The following PLCZ1 variants were observed in gnomAD, a reference collection of about 807,000 sequenced individuals.
PLCZ1 encodes 1-phosphatidylinositol 4,5-bisphosphate phosphodiesterase zeta-1.
In PLCZ1, 64 loss-of-function variants were observed where a neutral mutation model predicts 76.8. The ratio of observed to expected loss-of-function variants is 0.83; its 90% CI spans 0.68 to 1.03. The LOEUF (loss-of-function observed/expected upper bound fraction) is 1.03, where lower values mean the gene tolerates loss of function less well. Ranked by LOEUF, PLCZ1 falls within the 50% of genes least tolerant of loss-of-function variation. The probability of loss-of-function intolerance (pLI) is 0.00; values close to 1 mark genes in which losing one functional copy is unlikely to be tolerated. For synonymous variants in PLCZ1, 248 were observed against 230.8 expected (o/e 1.07, Z -0.68); for missense variants, 751 against 713.7 (o/e 1.05, Z -0.60).
At chr12:18,654,578 C>T in the PLCZ1 span, among the ~76,000 whole-genome samples, 12 of 152,104 alleles carry the variant, frequency 7.9e-5, no homozygotes, top group African/African-American at 2.4e-4. Context: ...ATTATTGCCA[C>T]GGGTGTTCCC....
intron 5 of PLCZ1, among the ~76,000 whole-genome samples, chr12:18,718,059 T>G (rs557894388): frequency 2.6e-5 from 4 of 152,236 alleles, no homozygotes; most frequent in Middle Eastern, 3.4e-3. Context: ...GGGGGTGCTT[T>G]GGGAGTGAGG....
the PLCZ1 span, among the ~76,000 whole-genome samples, chr12:18,656,176 C>T: frequency 6.2e-4 from 94 of 152,278 alleles, 1 homozygote; most frequent in Admixed American, 2.0e-3. Flanking sequence ...CACCTGTAAT[C>T]CCAGCACTTT....
At chr12:18,737,299 C>A (rs1172669369) in intron 2 of PLCZ1, 62 bp downstream of exon 2, 1 of 1,543,154 alleles carries the variant, frequency 6.5e-7, no homozygotes, top group African/African-American at 1.4e-5. Context: ...ATAACAGCAT[C>A]AAGTAAAGAG....
At chr12:18,712,694 A>ACTGCCT in intron 6 of PLCZ1, 148 bp downstream of exon 6, 2 of 966,488 alleles carry the variant, frequency 2.1e-6, no homozygotes, top group Non-Finnish European at 3.1e-6. Context: ...AACTATATAC[A>ACTGCCT]ACATGGATTT....
intron 5 of PLCZ1, among the ~76,000 whole-genome samples, chr12:18,717,646 C>G (rs1306122956): frequency 1.3e-5 from 2 of 152,094 alleles, no homozygotes; most frequent in Non-Finnish European, 2.9e-5. Flanking sequence ...TTGCCTCAAA[C>G]CCTACAATGG....
intron 3 of PLCZ1, among the ~76,000 whole-genome samples, chr12:18,726,634 A>G (rs1409409695): frequency 6.6e-6 from 1 of 151,224 alleles, no homozygotes; most frequent in East Asian, 1.9e-4. Context: ...GGCTTTCCAT[A>G]TTGTCACCAT....
chr12:18,667,408 A>C, the PLCZ1 span, among the ~76,000 whole-genome samples: 1 of 152,176 alleles, frequency 6.6e-6, no homozygotes, highest in African/African-American at 2.4e-5. Flanking sequence ...ACCTGTATCT[A>C]TCTGCTCTCA....
At chr12:18,677,560 T>C in the PLCZ1 span, among the ~76,000 whole-genome samples, 3 of 152,090 alleles carry the variant, frequency 2.0e-5, no homozygotes, top group East Asian at 1.9e-4. Flanking sequence ...CTGTTTTCAC[T>C]GGCTGAGGAC....
intron 6 of PLCZ1, 74 bp downstream of exon 6, chr12:18,712,768 A>G: frequency 6.5e-7 from 1 of 1,533,410 alleles, no homozygotes; most frequent in East Asian, 2.3e-5. Context: ...GCTAAGCATT[A>G]TAGGATTTTG....
At chr12:18,714,708 G>A (rs1957741929) in intron 5 of PLCZ1, 1 of 152,170 alleles carries the variant, frequency 6.6e-6, no homozygotes, top group South Asian at 2.1e-4. Context: ...CCTCACAGGA[G>A]GGATTTGGCA....
intron 13 of PLCZ1, among the ~76,000 whole-genome samples, chr12:18,687,683 T>TA (rs1276449464): frequency 2.0e-5 from 3 of 152,214 alleles, no homozygotes; most frequent in Admixed American, 6.6e-5. Context: ...ACTTTTAATC[T>TA]AAAATAATTC....
intron 12 of PLCZ1, among the ~76,000 whole-genome samples, chr12:18,689,057 C>A (rs531281856): frequency 6.6e-6 from 1 of 151,984 alleles, no homozygotes; most frequent in Admixed American, 6.6e-5. Flanking sequence ...CCACAGATTA[C>A]GGCATTAGCT....
At chr12:18,709,483 T>G (rs1162238790) in intron 6 of PLCZ1, among the ~76,000 whole-genome samples, 1 of 152,090 alleles carries the variant, frequency 6.6e-6, no homozygotes, top group South Asian at 2.1e-4. Flanking sequence ...TTTCTCAGAA[T>G]TATTTTGGCT....
chr12:18,671,168 G>A, the PLCZ1 span, among the ~76,000 whole-genome samples: 278 of 143,354 alleles, frequency 1.9e-3, 1 homozygote, highest in African/African-American at 7.0e-3. Context: ...CAGCCCGGGT[G>A]ACAGGGTGAG....
chr12:18,696,322 CTATATATATATATATATA>C lies in PLCZ1; in HGVS notation c.1175-74_1175-57del, dbSNP rs71440372. On this transcript the variant is annotated intron_variant, in intron 10 of 14. Transcript: ENST00000266505. ...GAATTCAAATAAATTTAAAAAGCCA[CTATATATATATATATATA>C]TATATATATATCATATAATTCTATA... 1.8e-4 allele frequency: 49 copies of C among 267,808 alleles called. 2 individuals carry two copies. The African/African-American group carries it at 1.9e-3, about 10-fold the overall frequency. The allele number at this position is 267,808 out of a possible 1,614,324, so 16.6% of individuals were successfully genotyped here.
the PLCZ1 span, among the ~76,000 whole-genome samples, chr12:18,657,482 A>G: frequency 2.0e-5 from 3 of 152,192 alleles, no homozygotes; most frequent in South Asian, 6.2e-4. Flanking sequence ...ATGCCTCAAC[A>G]TTCACATAGA....
rs1313335583 is a variant in PLCZ1, at chr12:18,694,156, A to G, written c.1461+754T>C. On this transcript the variant is annotated intron_variant, in intron 12 of 14. Transcript: ENST00000266505. ...GGTGATTTCTCAGTCCCTGAAAGGGATGAGGCTGGGGGAGTTGCCCAGAGG... is the reference window on the plus strand; with the variant it reads ...GGTGATTTCTCAGTCCCTGAAAGGGGTGAGGCTGGGGGAGTTGCCCAGAGG... 5.3e-6 allele frequency: 4 copies of G among 751,644 alleles called. No individual in the cohort carries two copies. In the Admixed American group the frequency reaches 7.6e-5, roughly 14 times the overall value. 46.6% of individuals were successfully genotyped at this position (751,644 alleles called of 1,614,324 possible).
At chr12:18,650,656 G>C in the PLCZ1 span, among the ~76,000 whole-genome samples, 1 of 105,370 alleles carries the variant, frequency 9.5e-6, no homozygotes, top group African/African-American at 3.4e-5. Context: ...TACATAACTG[G>C]AATATAAATG....
chr12:18,664,929 T>C, the PLCZ1 span, among the ~76,000 whole-genome samples: 2 of 146,420 alleles, frequency 1.4e-5, no homozygotes, highest in African/African-American at 5.1e-5. Context: ...ATACTGCATG[T>C]TCTCACTCAT....
Sources: gnomAD v4.1 joint callset for allele counts (sites outside exome capture counted in the v4.1 genomes callset) on GRCh38, gnomAD v4.1.1 for gene constraint, MANE v1.5 for transcripts, NCBI Gene and HGNC (gene_info 2026-07-23, HGNC 2026-07-21) for gene names.